The following HS6ST2 variants were observed in gnomAD, a reference collection of about 807,000 sequenced individuals.
HS6ST2 encodes the protein heparan-sulfate 6-O-sulfotransferase 2.
HS6ST2 carries 17 observed loss-of-function variants against 33.0 expected under a neutral mutation model. That is an observed-to-expected ratio of 0.52 (90% confidence interval 0.35 to 0.77). HS6ST2 has a LOEUF of 0.77. Ranked by LOEUF, HS6ST2 falls within the 30% of genes least tolerant of loss-of-function variation. The probability of loss-of-function intolerance (pLI) is 0.01; values close to 1 mark genes in which losing one functional copy is unlikely to be tolerated. For synonymous variants in HS6ST2, 248 were observed against 237.1 expected (o/e 1.05, Z -0.42); for missense variants, 519 against 551.7 (o/e 0.94, Z 0.59).
chrX:132,746,457 C>T (rs1366742149), intron 2 of HS6ST2, among the ~76,000 whole-genome samples: 1 of 110,909 alleles, frequency 9.0e-6, no homozygotes, highest in African/African-American at 3.3e-5. Context: ...GAGCCAAAAT[C>T]GCGCCACTGC....
At chrX:132,782,318 C>T (rs2065023014) in intron 2 of HS6ST2, among the ~76,000 whole-genome samples, 1 of 111,740 alleles carries the variant, frequency 8.9e-6, no homozygotes, top group Non-Finnish European at 1.9e-5. Flanking sequence ...TAATTAGCAC[C>T]TCAAAAGATC....
At chrX:132,769,737 G>T (rs2064879295) in intron 2 of HS6ST2, among the ~76,000 whole-genome samples, 1 of 112,353 alleles carries the variant, frequency 8.9e-6, no homozygotes. Context: ...TGCCTCAAAT[G>T]AGGTAGGCGC....
At chrX:132,637,826 T>TATTATATATAATATATATA (rs2063562708) in intron 4 of HS6ST2, among the ~76,000 whole-genome samples, 1 of 53,889 alleles carries the variant, frequency 1.9e-5, no homozygotes, top group Non-Finnish European at 2.9e-5. Flanking sequence ...ATATATATAA[T>TATTATATATAATATATATA]ATTATATATA....
At chrX:132,632,721 G>T (rs2063526536) in intron 4 of HS6ST2, among the ~76,000 whole-genome samples, 1 of 110,437 alleles carries the variant, frequency 9.1e-6, no homozygotes, top group Admixed American at 9.7e-5. Flanking sequence ...ACCTCACACT[G>T]ATTTCTAACC....
chrX:132,796,792 A>G (rs1428666916), intron 2 of HS6ST2, among the ~76,000 whole-genome samples: 1 of 112,352 alleles, frequency 8.9e-6, no homozygotes, highest in Non-Finnish European at 1.9e-5. Flanking sequence ...CAGAGCAGTT[A>G]AAGTCCCTGA....
At chrX:132,949,137 A>T (rs2066984834) in intron 2 of HS6ST2, among the ~76,000 whole-genome samples, 1 of 110,807 alleles carries the variant, frequency 9.0e-6, no homozygotes, top group African/African-American at 3.3e-5. Flanking sequence ...CGAGAGCAAC[A>T]CATACACTAA....
chrX:132,867,193 T>C (rs1293181799), intron 2 of HS6ST2, among the ~76,000 whole-genome samples: 30 of 105,831 alleles, frequency 2.8e-4, no homozygotes, highest in East Asian at 8.8e-4. Flanking sequence ...GCATGAAGGG[T>C]TGTTGAATTT....
chrX:132,865,181 C>T (rs1162362029), intron 2 of HS6ST2, among the ~76,000 whole-genome samples: 26 of 96,758 alleles, frequency 2.7e-4, no homozygotes, highest in East Asian at 1.1e-3. Context: ...CCTGTGTCCA[C>T]GTGATCTCAT....
chrX:132,892,748 G>A (rs1210572765), intron 2 of HS6ST2, among the ~76,000 whole-genome samples: 1 of 111,884 alleles, frequency 8.9e-6, no homozygotes, highest in Non-Finnish European at 1.9e-5. Flanking sequence ...GAACCTGGGA[G>A]GTGGAAGTTG....
chrX:132,830,795 G>A (rs1301161726), intron 2 of HS6ST2, among the ~76,000 whole-genome samples: 7 of 111,514 alleles, frequency 6.3e-5, no homozygotes, highest in African/African-American at 2.0e-4. Flanking sequence ...TTGAAGACTT[G>A]GGCTCTGTAA....
At chrX:132,669,433 G>A in intron 3 of HS6ST2, 1 of 280,135 alleles carries the variant, frequency 3.6e-6, no homozygotes, top group South Asian at 1.5e-4. Flanking sequence ...CTATCCTTTT[G>A]GCATTCAAAG....
At position 132,787,831 on chromosome X, in the gene HS6ST2, C is replaced by T. The variant is rs1364918364; in HGVS notation, c.948-79337G>A. Among the ~76,000 whole-genome samples, 3 of 107,540 alleles carry T rather than the reference C, an allele frequency of 2.8e-5. No homozygotes were observed. The Admixed American group carries it at 3.0e-4, about 11-fold the overall frequency. The allele number at this position is 107,540 out of a possible 115,157, so 93.4% of individuals were successfully genotyped here. On this transcript the variant is annotated intron_variant, in intron 2 of 4. Transcript: ENST00000370833. ...ACTTGAACCCGGGAGGCAGAGATTG[C>T]AGTGAGCAGAGTTCAAGCCACTGCA...
chrX:132,806,109 C>A (rs1749440983), intron 2 of HS6ST2, among the ~76,000 whole-genome samples: 1 of 110,163 alleles, frequency 9.1e-6, no homozygotes, highest in African/African-American at 3.3e-5. Context: ...AACCCAGAGT[C>A]CTAGTACACT....
intron 2 of HS6ST2, among the ~76,000 whole-genome samples, chrX:132,838,964 C>CA (rs2065674222): frequency 2.5e-5 from 2 of 80,490 alleles, no homozygotes; most frequent in East Asian, 4.3e-4. Flanking sequence ...ATTAAAAAGT[C>CA]GGAAAAAAAA....
At chrX:132,708,533 T>A in intron 2 of HS6ST2, 39 bp from the exon 3 acceptor site, 1 of 1,120,301 alleles carries the variant, frequency 8.9e-7, no homozygotes, top group Non-Finnish European at 1.2e-6. Flanking sequence ...TAGCAAGAGC[T>A]TGGTAGGAGA....
intron 2 of HS6ST2, among the ~76,000 whole-genome samples, chrX:132,783,036 A>C (rs945230071): frequency 1.8e-5 from 2 of 111,814 alleles, no homozygotes; most frequent in African/African-American, 3.3e-5. Context: ...GAGGGTCATG[A>C]GAGGTGAAGT....
At chrX:132,924,991 C>T (rs1265495362) in intron 2 of HS6ST2, among the ~76,000 whole-genome samples, 1 of 111,030 alleles carries the variant, frequency 9.0e-6, no homozygotes, top group Non-Finnish European at 1.9e-5. Context: ...GGAAGTGGGA[C>T]GATTACTTGA....
intron 2 of HS6ST2, among the ~76,000 whole-genome samples, chrX:132,883,208 A>C (rs2066201526): frequency 9.0e-6 from 1 of 111,302 alleles, no homozygotes; most frequent in Admixed American, 9.6e-5. Flanking sequence ...GAATGGTACC[A>C]GCTCCTCCTT....
intron 2 of HS6ST2, among the ~76,000 whole-genome samples, chrX:132,818,879 G>T (rs1240979152): frequency 3.6e-5 from 4 of 111,950 alleles, no homozygotes; most frequent in African/African-American, 1.3e-4. Context: ...ACATTCAGCA[G>T]ATAGGTTGCT....
Sources: allele counts gnomAD v4.1 joint callset (sites outside exome capture counted in the v4.1 genomes callset), GRCh38; gene constraint gnomAD v4.1.1; transcripts MANE v1.5; gene names NCBI Gene and HGNC (gene_info 2026-07-23, HGNC 2026-07-21).